SNX29: variants seen among roughly 807,000 people sequenced by gnomAD.
The protein encoded by SNX29 is sorting nexin-29.
In SNX29, 78 loss-of-function variants were observed where a neutral mutation model predicts 102.1. The ratio of observed to expected loss-of-function variants is 0.76; its 90% CI spans 0.64 to 0.92. SNX29 has a LOEUF of 0.92. Ranked by LOEUF, SNX29 falls within the 40% of genes least tolerant of loss-of-function variation. The pLI is 0.00. For missense variants in SNX29, 1,280 were observed against 1,061.7 expected (o/e 1.21, Z -2.86); for synonymous variants, 580 against 414.5 (o/e 1.40, Z -4.85).
At chr16:12,224,416 C>A (rs2077557768) in intron 14 of SNX29, among the ~76,000 whole-genome samples, 1 of 152,238 alleles carries the variant, frequency 6.6e-6, no homozygotes, top group African/African-American at 2.4e-5. Context: ...CCCCCTGGGG[C>A]TCCCAGCCTG....
At chr16:12,304,534 G>A (rs2080280172) in intron 15 of SNX29, among the ~76,000 whole-genome samples, 1 of 152,182 alleles carries the variant, frequency 6.6e-6, no homozygotes, top group African/African-American at 2.4e-5. Context: ...TGAAATCTTT[G>A]TCCTTTTCTG....
intron 14 of SNX29, among the ~76,000 whole-genome samples, chr16:12,235,298 G>C (rs1017795705): frequency 6.6e-6 from 1 of 152,112 alleles, no homozygotes; most frequent in Non-Finnish European, 1.5e-5. Flanking sequence ...GCAGAAGTCA[G>C]AGACCAGCTG....
intron 16 of SNX29, among the ~76,000 whole-genome samples, chr16:12,378,802 T>A (rs1419670996): frequency 6.6e-6 from 1 of 152,000 alleles, no homozygotes; most frequent in Non-Finnish European, 1.5e-5. Context: ...TCCCTTCCGC[T>A]CCCCCAGCCC....
intron 14 of SNX29, among the ~76,000 whole-genome samples, chr16:12,232,779 G>T (rs2077809166): frequency 6.6e-6 from 1 of 152,146 alleles, no homozygotes; most frequent in African/African-American, 2.4e-5. Context: ...CCCCTGAGAG[G>T]GCTGGAAAGG....
intron 18 of SNX29, among the ~76,000 whole-genome samples, chr16:12,423,729 C>G (rs921994934): frequency 6.6e-6 from 1 of 152,122 alleles, no homozygotes; most frequent in East Asian, 1.9e-4. Flanking sequence ...CACCACCAAG[C>G]CTGGCTAAGT....
At chr16:12,228,960 CTAAG>C (rs1291659297) in intron 14 of SNX29, among the ~76,000 whole-genome samples, 2 of 152,234 alleles carry the variant, frequency 1.3e-5, no homozygotes, top group East Asian at 1.9e-4. Context: ...GCTGCTCTCC[CTAAG>C]TGAGTGTCTA....
intron 14 of SNX29, among the ~76,000 whole-genome samples, 174 bp from the exon 15 acceptor site, chr16:12,277,759 A>T (rs2079300362): frequency 6.6e-6 from 1 of 151,992 alleles, no homozygotes; most frequent in South Asian, 2.1e-4. Context: ...GTTTTATTGT[A>T]CTTAGGTGAA....
chr16:12,280,450 C>A (rs1486055049), intron 15 of SNX29, among the ~76,000 whole-genome samples: 4 of 152,170 alleles, frequency 2.6e-5, no homozygotes, highest in African/African-American at 9.7e-5. Context: ...GAGTGTGGAA[C>A]CACCAAACGG....
At chr16:12,273,311 G>A (rs1203635512) in intron 14 of SNX29, among the ~76,000 whole-genome samples, 1 of 150,396 alleles carries the variant, frequency 6.6e-6, no homozygotes, top group Non-Finnish European at 1.5e-5. Flanking sequence ...CTTTGAGAGT[G>A]CATAATTTTA....
intron 20 of SNX29, among the ~76,000 whole-genome samples, chr16:12,559,390 A>G (rs546124032): frequency 2.7e-5 from 4 of 149,946 alleles, no homozygotes; most frequent in South Asian, 2.1e-4. Context: ...ACCCTCTCCC[A>G]TCGCCCCCTG....
chr16:12,245,355 G>A (rs891007120), intron 14 of SNX29, among the ~76,000 whole-genome samples: 5 of 151,934 alleles, frequency 3.3e-5, no homozygotes, highest in African/African-American at 4.8e-5. Flanking sequence ...TTTAACATGC[G>A]GTGACAGGTT....
chr16:12,176,003 C>T (rs1027095751), intron 13 of SNX29, among the ~76,000 whole-genome samples: 31 of 110,066 alleles, frequency 2.8e-4, no homozygotes, highest in Admixed American at 6.2e-4. Flanking sequence ...AAGACCTTGT[C>T]TAAAACAACA....
At chr16:12,054,924 C>T (rs1325264838) in intron 8 of SNX29, among the ~76,000 whole-genome samples, 1 of 152,142 alleles carries the variant, frequency 6.6e-6, no homozygotes, top group African/African-American at 2.4e-5. Context: ...ATCAGCGGAT[C>T]TCAAATGAAT....
At chr16:12,555,410 C>T (rs575967851) in intron 20 of SNX29, among the ~76,000 whole-genome samples, 5 of 152,184 alleles carry the variant, frequency 3.3e-5, no homozygotes, top group South Asian at 2.1e-4. Flanking sequence ...GGGCTGCTGG[C>T]CCCTCAGGTT....
intron 15 of SNX29, among the ~76,000 whole-genome samples, chr16:12,352,962 GGGGATATAGGCGT>G (rs1229426306): frequency 1.3e-5 from 2 of 152,168 alleles, no homozygotes; most frequent in Admixed American, 1.3e-4. Flanking sequence ...AGTGCCTGGT[GGGGATATAGGCGT>G]GGGATATAGG....
intron 11 of SNX29, among the ~76,000 whole-genome samples, chr16:12,104,888 C>T (rs377330287): frequency 7.9e-5 from 12 of 152,198 alleles, no homozygotes; most frequent in African/African-American, 2.9e-4. Flanking sequence ...CTGAAGAAAG[C>T]GAACTGGAAA....
At chr16:12,417,816 G>GA (rs1470904118) in intron 18 of SNX29, among the ~76,000 whole-genome samples, 1 of 151,816 alleles carries the variant, frequency 6.6e-6, no homozygotes, top group Non-Finnish European at 1.5e-5. Context: ...TTGATGTGGA[G>GA]AGGAAATTCA....
At chr16:12,312,666 G>A (rs1197505254) in intron 15 of SNX29, among the ~76,000 whole-genome samples, 1 of 104,958 alleles carries the variant, frequency 9.5e-6, no homozygotes, top group African/African-American at 3.9e-5. Flanking sequence ...AGTGTCAGAT[G>A]TTTCTGCTTG....
At chr16:12,117,905 C>G (rs1018585900) in intron 11 of SNX29, among the ~76,000 whole-genome samples, 2 of 152,046 alleles carry the variant, frequency 1.3e-5, no homozygotes, top group Non-Finnish European at 2.9e-5. Flanking sequence ...ACCACCCTGG[C>G]TAACACAGTG....
Sources: allele counts gnomAD v4.1 joint callset (sites outside exome capture counted in the v4.1 genomes callset), GRCh38; gene constraint gnomAD v4.1.1; transcripts MANE v1.5; gene names NCBI Gene and HGNC (gene_info 2026-07-23, HGNC 2026-07-21).